Variants in GIMAP7 observed in about 807,000 individuals in gnomAD.
The protein encoded by GIMAP7 is GTPase, IMAP family member 7.
For missense variants in GIMAP7, 323 were observed against 359.7 expected, an observed-to-expected ratio of 0.90 and a Z score of 0.83; for synonymous variants, 137 against 129.3, an observed-to-expected ratio of 1.06 and a Z score of -0.40.
At position 150,519,959 on chromosome 7, in the gene GIMAP7, G is replaced by A. The variant is rs559037929; in HGVS notation, c.-16G>A. 1.2e-6 allele frequency: 2 copies of A among 1,610,470 alleles called. No homozygotes were observed. The highest frequency in any genetic ancestry group is 1.1e-5 in the South Asian group (1 of 90,854). On this transcript the variant is annotated 5_prime_UTR_variant, in exon 2 of 2. Coordinates refer to ENST00000313543, the MANE Select transcript of GIMAP7 (RefSeq NM_153236.4). ...GTCTTGTACGTGCCTAAGTTCTAGA[G>A]CCTCCTGACGTGAGCATGGCTGAGA...
At chr7:150,516,859 TG>T (rs1056586458) in intron 1 of GIMAP7, among the ~76,000 whole-genome samples, 3 of 152,204 alleles carry the variant, frequency 2.0e-5, no homozygotes, top group Non-Finnish European at 2.9e-5. Context: ...AGTTTGACTT[TG>T]TTTTTTTAGT....
At position 150,517,583 on chromosome 7, in the gene GIMAP7, T is replaced by TAC. The variant is rs562025583; in HGVS notation, c.-41-2337_-41-2336dup. ...GCCTTTTAGATGGACTTCAAAACAGTACACACACACACACATACACACACA... is the reference window on the plus strand; with the variant it reads ...GCCTTTTAGATGGACTTCAAAACAGTACACACACACACACACATACACACACA... On this transcript the variant is annotated intron_variant, in intron 1 of 1. Coordinates refer to ENST00000313543, the MANE Select transcript of GIMAP7 (RefSeq NM_153236.4). 1.3e-3 allele frequency among the ~76,000 whole-genome samples: 191 copies of TAC among 149,712 alleles called. 1 individual carries two copies. Among genetic ancestry groups the TAC allele is most frequent in the African/African-American group, 3.9e-3 (157 of 39,906 alleles).
In GIMAP7 at chr7:150,520,005, AT is replaced by A; in HGVS notation, c.32del (p.Ile11ThrfsTer4). 3.1e-6 allele frequency: 5 copies of A among 1,614,118 alleles called. No individual in the cohort carries two copies. The highest frequency in any genetic ancestry group is 4.2e-6 in the Non-Finnish European group (5 of 1,179,992). ...TGAGAGTGAGGACCGCTCCCTGAGGATCGTTCTGGTAGGGAAAACTGGAAGT... is the reference window on the plus strand; with the variant it reads ...TGAGAGTGAGGACCGCTCCCTGAGGACGTTCTGGTAGGGAAAACTGGAAGT... Reference protein sequence around the residue: MAESEDRSLRIVLVGKTGSGK... With the variant: MAESEDRSLRXVLVGKTGSGK... On this transcript the variant is annotated frameshift_variant, in exon 2 of 2. Transcript: ENST00000313543. LOFTEE classifies it low-confidence loss of function (END_TRUNC).
Position 150,520,368 on chromosome 7 carries a change from A to T in GIMAP7, c.394A>T (p.Thr132Ser), listed in dbSNP as rs1563302400. The change falls in exon 2 of 2, where the codon ACT becomes TCT. Residue 132 changes from threonine to serine, a missense_variant. Thr to Ser is a moderately conservative substitution (Grantham distance 58, BLOSUM62 1). Transcript: ENST00000313543. Reference protein sequence around the residue: ...SAMKHMVILFTRKEELEGQSF... With the variant: ...SAMKHMVILFSRKEELEGQSF... ...CATGAAGCACATGGTCATCTTGTTC[A>T]CTCGCAAAGAAGAGTTGGAGGGCCA... The T allele has an allele frequency of 6.2e-7, 1 of 1,614,182 alleles. No homozygotes were observed. Among genetic ancestry groups the T allele is most frequent in the Middle Eastern group, 1.6e-4 (1 of 6,062 alleles).
Position 150,521,013 on chromosome 7 carries a change from AATAT to A in GIMAP7, c.*150_*153del, listed in dbSNP as rs60687169. ...TTTAATGTATATAATGTGATTTTTA[AATAT>A]ATATATATATATACACACATTGTGA... On this transcript the variant is annotated 3_prime_UTR_variant, in exon 2 of 2. Coordinates refer to ENST00000313543, the MANE Select transcript of GIMAP7 (RefSeq NM_153236.4). 183 of 238,288 alleles carry A rather than the reference AATAT, an allele frequency of 7.7e-4. No homozygotes were observed. The highest frequency in any genetic ancestry group is 1.1e-3 in the Non-Finnish European group (152 of 135,180). 14.8% of individuals were successfully genotyped at this position (238,288 alleles called of 1,614,324 possible).
chr7:150,516,460 G>A (rs904919870), intron 1 of GIMAP7, among the ~76,000 whole-genome samples: 1 of 152,188 alleles, frequency 6.6e-6, no homozygotes, highest in Non-Finnish European at 1.5e-5. Context: ...ATTTGAGTAT[G>A]TGTCTCTGAA....
intron 1 of GIMAP7, among the ~76,000 whole-genome samples, chr7:150,515,614 A>G (rs1795127856): frequency 6.6e-6 from 1 of 152,246 alleles, no homozygotes; most frequent in Non-Finnish European, 1.5e-5. Context: ...GAAATTTTCT[A>G]GAACCGGTGG....
intron 1 of GIMAP7, among the ~76,000 whole-genome samples, chr7:150,515,471 G>A (rs1038165197): frequency 5.9e-5 from 9 of 152,166 alleles, no homozygotes; most frequent in Non-Finnish European, 1.3e-4. Context: ...GGGCTGCTGC[G>A]CCATTCAGTA....
At chr7:150,515,651 CCT>C (rs1383905595) in intron 1 of GIMAP7, among the ~76,000 whole-genome samples, 1 of 152,168 alleles carries the variant, frequency 6.6e-6, no homozygotes. Flanking sequence ...GAACTGTTCA[CCT>C]CTGTTGTAAA....
rs60687169 is a variant in GIMAP7, at chr7:150,521,013, AATATAT to A, written c.*148_*153del. 9 of 238,410 alleles carry A rather than the reference AATATAT, an allele frequency of 3.8e-5. No homozygotes were observed. The highest frequency in any genetic ancestry group is 4.4e-5 in the Non-Finnish European group (6 of 135,554). The allele number at this position is 238,410 out of a possible 1,614,324, so 14.8% of individuals were successfully genotyped here. On this transcript the variant is annotated 3_prime_UTR_variant, in exon 2 of 2. Coordinates refer to ENST00000313543, the MANE Select transcript of GIMAP7 (RefSeq NM_153236.4). ...TTTAATGTATATAATGTGATTTTTA[AATATAT>A]ATATATATATACACACATTGTGAAA... is the stretch of plus-strand genomic sequence containing the variant.
rs1051756928 is a variant in GIMAP7, at chr7:150,520,607, A to G, written c.633A>G (p.Glu211=). The G allele has an allele frequency of 6.2e-7, 1 of 1,614,112 alleles. No homozygotes were observed. The highest frequency in any genetic ancestry group is 8.5e-7 in the Non-Finnish European group (1 of 1,180,054). The part of the protein sequence containing the change: ...FSDDIYKDTE[E]RLKQREEVLR... ...ATGACATATACAAGGACACAGAGGA[A>G]AGGCTGAAACAACGGGAAGAGGTTT... The change falls in exon 2 of 2, where the codon GAA becomes GAG. Residue 211 remains glutamate (E), a synonymous_variant. Coordinates refer to ENST00000313543, the MANE Select transcript of GIMAP7 (RefSeq NM_153236.4).
chr7:150,520,894 A>ATCCTCTTCTACTAGTTTAATTTCTTC lies in GIMAP7; in HGVS notation c.*17_*18insTCCTCTTCTACTAGTTTAATTTCTTC. ...TCTTCCTAATTTACTGTGATTTGTT[A>ATCCTCTTCTACTAGTTTAATTTCTTC]ATGGATGAATTGTATTTTGCAAAGA... On this transcript the variant is annotated 3_prime_UTR_variant, in exon 2 of 2. Transcript: ENST00000313543. The ATCCTCTTCTACTAGTTTAATTTCTTC allele has an allele frequency of 7.6e-7, 1 of 1,316,190 alleles. No individual in the cohort carries two copies. Among genetic ancestry groups the ATCCTCTTCTACTAGTTTAATTTCTTC allele is most frequent in the Non-Finnish European group, 1.0e-6 (1 of 984,940 alleles). 81.5% of individuals were successfully genotyped at this position (1,316,190 alleles called of 1,614,324 possible).
intron 1 of GIMAP7, among the ~76,000 whole-genome samples, chr7:150,519,433 T>G (rs1341223150): frequency 6.6e-6 from 1 of 152,216 alleles, no homozygotes; most frequent in African/African-American, 2.4e-5. Context: ...CATTCTCATA[T>G]TGACCCACCA....
rs1439604868 is a variant in GIMAP7, at chr7:150,520,115, T to C, written c.141T>C (p.Cys47=). The C allele has an allele frequency of 3.7e-6, 6 of 1,614,020 alleles. No individual in the cohort carries two copies. The highest frequency in any genetic ancestry group is 1.7e-5 in the Admixed American group (1 of 59,986). ...RIAAQAVTKN[C]QKASREWQGR... The stretch of plus-strand genomic sequence containing the variant: ...CTGCCCAAGCTGTTACCAAGAACTG[T>C]CAAAAAGCATCCCGGGAATGGCAGG... The change falls in exon 2 of 2, where the codon TGT becomes TGC. Residue 47 remains cysteine (C), a synonymous_variant. Coordinates refer to ENST00000313543, the MANE Select transcript of GIMAP7 (RefSeq NM_153236.4).
intron 1 of GIMAP7, among the ~76,000 whole-genome samples, chr7:150,517,824 A>G (rs1348933947): frequency 6.6e-6 from 1 of 152,116 alleles, no homozygotes; most frequent in Non-Finnish European, 1.5e-5. Flanking sequence ...AAAGAAGTCT[A>G]ATGACCATTT....
chr7:150,517,377 T>C (rs7808446), intron 1 of GIMAP7, among the ~76,000 whole-genome samples: 2 of 151,988 alleles, frequency 1.3e-5, no homozygotes, highest in Non-Finnish European at 2.9e-5. Context: ...AGTAATTTTT[T>C]ATAGCATCCC....
chr7:150,519,904 C>T lies in GIMAP7; in HGVS notation c.-41-30C>T. 2.1e-6 allele frequency: 3 copies of T among 1,449,374 alleles called. No individual in the cohort carries two copies. The South Asian group carries it at 4.0e-5, about 19-fold the overall frequency. The allele number at this position is 1,449,374 out of a possible 1,614,324, so 89.8% of individuals were successfully genotyped here. On this transcript the variant is annotated intron_variant, in intron 1 of 1. Coordinates refer to ENST00000313543, the MANE Select transcript of GIMAP7 (RefSeq NM_153236.4). ...AATGGATCTCACTTACTAAAACTGG[C>T]TTTTTTTCCCCTATCTTCCCCTCCT...
At chr7:150,519,616 A>G (rs557462733) in intron 1 of GIMAP7, among the ~76,000 whole-genome samples, 1 of 152,164 alleles carries the variant, frequency 6.6e-6, no homozygotes, top group Non-Finnish European at 1.5e-5. Flanking sequence ...TAGAAAAAAA[A>G]AGTAACTTTT....
In GIMAP7 at chr7:150,520,442, C is replaced by A. The variant is rs771669495; in HGVS notation, c.468C>A (p.Ile156=). 24 of 1,614,050 alleles carry A rather than the reference C, an allele frequency of 1.5e-5. No individual in the cohort carries two copies. The East Asian group carries it at 4.9e-4, about 33-fold the overall frequency. The change falls in exon 2 of 2, where the codon ATC becomes ATA. Residue 156 remains isoleucine, a synonymous_variant. Transcript: ENST00000313543. Reference sequence around the variant, plus strand: ...ATGCGGATGTGGGCCTAAAAAGCATCGTCAAGGAGTGCGGGAACCGCTGCT... The same window carrying A: ...ATGCGGATGTGGGCCTAAAAAGCATAGTCAAGGAGTGCGGGAACCGCTGCT... The part of the protein sequence containing the change: ...IADADVGLKS[I]VKECGNRCCA...
Sources: gnomAD v4.1 joint callset for allele counts (sites outside exome capture counted in the v4.1 genomes callset) on GRCh38, gnomAD v4.1.1 for gene constraint, MANE v1.5 for transcripts, NCBI Gene and HGNC (gene_info 2026-07-23, HGNC 2026-07-21) for gene names.